AFF1: variants seen among roughly 807,000 people sequenced by gnomAD.
AFF1 encodes the protein AF4/FMR2 family member 1.
AFF1 carries 48 observed loss-of-function variants against 121.7 expected under a neutral mutation model. The ratio of observed to expected loss-of-function variants is 0.39; its 90% CI spans 0.31 to 0.50. The LOEUF (loss-of-function observed/expected upper bound fraction) is 0.50, where lower values mean the gene tolerates loss of function less well. AFF1 is among the 20% of genes least tolerant of loss of function. The pLI, the probability that AFF1 is intolerant of heterozygous loss-of-function variation, is 0.76. For missense variants in AFF1, 1,523 were observed against 1,511.7 expected (o/e 1.01, Z -0.12); for synonymous variants, 613 against 563.0 (o/e 1.09, Z -1.26).
intron 2 of AFF1, among the ~76,000 whole-genome samples, chr4:87,037,476 C>G (rs1249360774): frequency 6.6e-6 from 1 of 152,016 alleles, no homozygotes; most frequent in African/African-American, 2.4e-5. Flanking sequence ...CACACCCGGC[C>G]AATGTTTTGT....
rs776110405 is a variant in AFF1 at position 87,105,693 on chromosome 4, C to T, written c.1338+11C>T. 1 of 1,614,148 alleles carries T rather than the reference C, an allele frequency of 6.2e-7. No individual in the cohort carries two copies. The highest frequency in any genetic ancestry group is 8.5e-7 in the Non-Finnish European group (1 of 1,180,014). On this transcript the variant is annotated intron_variant, in intron 9 of 20. Coordinates refer to ENST00000395146, the MANE Select transcript of AFF1 (RefSeq NM_001166693.3). The stretch of plus-strand genomic sequence containing the variant: ...AGTGACAGTGAACAAGTAAGTGTTG[C>T]ACAGCCTGTAATACCAGGAGTCCTT...
chr4:86,959,366 T>G (rs933340324), intron 2 of AFF1, among the ~76,000 whole-genome samples: 6 of 152,250 alleles, frequency 3.9e-5, no homozygotes, highest in African/African-American at 1.4e-4. Context: ...TTTAAAAGTT[T>G]ACATTAAAAA....
At chr4:87,044,108 G>A (rs115130619) in intron 2 of AFF1, among the ~76,000 whole-genome samples, 1,898 of 152,214 alleles carry the variant, frequency 0.012, 22 homozygotes, top group Middle Eastern at 0.048. Flanking sequence ...GAGCCACTGC[G>A]CCTGGCCTAA....
At chr4:86,969,708 G>A (rs1399500312) in intron 2 of AFF1, among the ~76,000 whole-genome samples, 11 of 151,052 alleles carry the variant, frequency 7.3e-5, no homozygotes, top group African/African-American at 2.2e-4. Context: ...GTGAAACCCC[G>A]TCTCTACTAA....
At chr4:87,084,605 A>AAATAAATAAAT (rs1560609341) in intron 5 of AFF1, among the ~76,000 whole-genome samples, 2 of 118,556 alleles carry the variant, frequency 1.7e-5, no homozygotes, top group East Asian at 2.1e-4. Flanking sequence ...AATAAATAAA[A>AAATAAATAAAT]AATAAAGAAC....
intron 2 of AFF1, among the ~76,000 whole-genome samples, chr4:87,022,660 ATG>A (rs1491186015): frequency 1.4e-5 from 2 of 138,692 alleles, no homozygotes; most frequent in East Asian, 2.1e-4. Context: ...GTGTATATAT[ATG>A]TGTGTGTATA....
chr4:86,982,009 C>T (rs544460983), intron 2 of AFF1, among the ~76,000 whole-genome samples: 21 of 152,160 alleles, frequency 1.4e-4, no homozygotes, highest in Admixed American at 9.2e-4. Flanking sequence ...GATCAAAGCA[C>T]GGGAAATAAA....
At position 87,114,554 on chromosome 4, in the gene AFF1, C is replaced by A. The variant is rs763614153; in HGVS notation, c.1721C>A (p.Ser574Tyr). 1 of 1,609,666 alleles carries A rather than the reference C, an allele frequency of 6.2e-7. No individual in the cohort carries two copies. Among genetic ancestry groups the A allele is most frequent in the East Asian group, 2.2e-5 (1 of 44,740 alleles). The change falls in exon 12 of 21, where the codon TCC (serine) becomes TAC (tyrosine). Residue 574 changes from serine to tyrosine, a missense_variant. Transcript: ENST00000395146. The part of the protein sequence containing the change: ...SESKDPPPKS[S>Y]SKAPRAPPEA... ...TCCAAAGATCCTCCCCCTAAAAGCTCCAGCAAAGCCCCCCGGGCCCCACCC... is the reference window on the plus strand; with the variant it reads ...TCCAAAGATCCTCCCCCTAAAAGCTACAGCAAAGCCCCCCGGGCCCCACCC...
chr4:87,088,339 C>T (rs977576448), intron 5 of AFF1, among the ~76,000 whole-genome samples: 8 of 152,176 alleles, frequency 5.3e-5, no homozygotes, highest in African/African-American at 1.9e-4. Context: ...CGTCACTGTG[C>T]GAGGTCGCTG....
intron 4 of AFF1, among the ~76,000 whole-genome samples, chr4:87,069,157 C>A (rs1171913484): frequency 1.3e-5 from 2 of 152,078 alleles, no homozygotes; most frequent in Non-Finnish European, 2.9e-5. Flanking sequence ...TAGTGCATGA[C>A]CTTATAAACA....
At chr4:87,097,367 C>G (rs1724980545) in intron 8 of AFF1, among the ~76,000 whole-genome samples, 1 of 152,178 alleles carries the variant, frequency 6.6e-6, no homozygotes, top group African/African-American at 2.4e-5. Flanking sequence ...AGGCAAAAGT[C>G]ACACCCTACC....
At chr4:87,042,892 G>T (rs917252870) in intron 2 of AFF1, among the ~76,000 whole-genome samples, 1 of 152,208 alleles carries the variant, frequency 6.6e-6, no homozygotes, top group South Asian at 2.1e-4. Context: ...AAATCTGGAA[G>T]TATGGGAGAA....
intron 2 of AFF1, among the ~76,000 whole-genome samples, chr4:87,018,998 A>G (rs2149553304): frequency 6.6e-6 from 1 of 152,344 alleles, no homozygotes; most frequent in Non-Finnish European, 1.5e-5. Context: ...GCTATTAAAT[A>G]TAAAGGTTAA....
At chr4:86,981,248 G>T (rs181660692) in intron 2 of AFF1, among the ~76,000 whole-genome samples, 78 of 152,182 alleles carry the variant, frequency 5.1e-4, no homozygotes, top group Admixed American at 5.9e-4. Flanking sequence ...TCCTGACCTC[G>T]TGATCTGCCT....
chr4:87,137,380 TA>T lies in AFF1; in HGVS notation c.*1680del, dbSNP rs1729385044. 4.4e-6 allele frequency: 1 copy of T among 229,536 alleles called. No homozygotes were observed. The highest frequency in any genetic ancestry group is 2.2e-5 in the African/African-American group (1 of 45,126). The allele number at this position is 229,536 out of a possible 1,614,324, so 14.2% of individuals were successfully genotyped here. ...AGGAACTCTCTTGGTAGTTTGTAAA[TA>T]CACAAAGGGATGTGTCGAGGGATGG... On this transcript the variant is annotated 3_prime_UTR_variant, in exon 21 of 21. Transcript: ENST00000395146.
chr4:87,046,183 GA>G lies in AFF1; in HGVS notation c.59del (p.Asn20ThrfsTer55). 6.2e-7 allele frequency: 1 copy of G among 1,613,508 alleles called. No individual in the cohort carries two copies. The highest frequency in any genetic ancestry group is 8.5e-7 in the Non-Finnish European group (1 of 1,179,836). Reference sequence around the variant, plus strand: ...TGAAACAGTTTGTACAATGACGACAGAAACCTGCTTCGAATTAGAGAGAAGG... The same window carrying G: ...TGAAACAGTTTGTACAATGACGACAGAACCTGCTTCGAATTAGAGAGAAGG... ...SSGNSLYNDD[R>X]NLLRIREKER... On this transcript the variant is annotated frameshift_variant, in exon 3 of 21. Transcript: ENST00000395146. LOFTEE classifies it high-confidence loss of function.
At chr4:87,007,225 C>T in intron 2 of AFF1, 3 of 1,456,632 alleles carry the variant, frequency 2.1e-6, no homozygotes, top group South Asian at 1.4e-5. Context: ...CCAATACGGG[C>T]CGAGCCCGGG....
At chr4:87,129,233 T>G (rs1035012926) in intron 16 of AFF1, among the ~76,000 whole-genome samples, 12 of 152,208 alleles carry the variant, frequency 7.9e-5, no homozygotes, top group African/African-American at 2.9e-4. Flanking sequence ...ATATTCTCCC[T>G]TAATAGCATA....
At chr4:87,082,681 G>A (rs1034557348) in intron 4 of AFF1, among the ~76,000 whole-genome samples, 5 of 151,972 alleles carry the variant, frequency 3.3e-5, no homozygotes, top group East Asian at 1.9e-4. Context: ...TGCCCGCCTC[G>A]GCCTCCCAAA....
Sources: allele counts gnomAD v4.1 joint callset (sites outside exome capture counted in the v4.1 genomes callset), GRCh38; gene constraint gnomAD v4.1.1; transcripts MANE v1.5; gene names NCBI Gene and HGNC (gene_info 2026-07-23, HGNC 2026-07-21).